EPB41L4B: variants seen among roughly 807,000 people sequenced by gnomAD.
EPB41L4B encodes erythrocyte membrane protein band 4.1 like 4B.
EPB41L4B carries 30 observed loss-of-function variants against 112.5 expected under a neutral mutation model. The ratio of observed to expected loss-of-function variants is 0.27; its 90% confidence interval spans 0.20 to 0.36. The LOEUF (loss-of-function observed/expected upper bound fraction) is 0.36. EPB41L4B is among the 10% of genes least tolerant of loss of function. EPB41L4B has a pLI of 1.00. For synonymous variants in EPB41L4B, 408 were observed against 439.7 expected (o/e 0.93, Z 0.90); for missense variants, 1,024 against 1,133.3 (o/e 0.90, Z 1.38).
chr9:109,226,727 T>A (rs10979763), intron 15 of EPB41L4B, among the ~76,000 whole-genome samples: 9 of 123,668 alleles, frequency 7.3e-5, no homozygotes, highest in African/African-American at 1.9e-4. Flanking sequence ...ATATATGAAG[T>A]ATATATATGA....
At chr9:109,309,331 C>G (rs898975365) in intron 1 of EPB41L4B, among the ~76,000 whole-genome samples, 9 of 152,162 alleles carry the variant, frequency 5.9e-5, no homozygotes, top group African/African-American at 2.2e-4. Flanking sequence ...CCAGCAGCAA[C>G]CAACTTCAGC....
intron 6 of EPB41L4B, among the ~76,000 whole-genome samples, chr9:109,262,447 G>A (rs1217531069): frequency 2.2e-5 from 1 of 46,508 alleles, no homozygotes; most frequent in Admixed American, 3.0e-4. Context: ...CTTGGTGTGT[G>A]TGGGGGTGTG....
chr9:109,304,628 C>G (rs1000412036), intron 1 of EPB41L4B, among the ~76,000 whole-genome samples: 1 of 152,150 alleles, frequency 6.6e-6, no homozygotes, highest in Admixed American at 6.6e-5. Context: ...TGCCTGATCT[C>G]TGTGTGCCTC....
chr9:109,219,019 G>T (rs894621666), intron 15 of EPB41L4B, among the ~76,000 whole-genome samples: 1 of 152,210 alleles, frequency 6.6e-6, no homozygotes, highest in Non-Finnish European at 1.5e-5. Context: ...TTCTCCTGGG[G>T]GAAGGTGTTT....
At chr9:109,175,183 C>T (rs1432922034) in intron 25 of EPB41L4B, among the ~76,000 whole-genome samples, 2 of 151,940 alleles carry the variant, frequency 1.3e-5, no homozygotes, top group African/African-American at 4.8e-5. Context: ...TCCCAAAGTG[C>T]TAGGATTACA....
At chr9:109,228,653 A>C (rs977114268) in intron 15 of EPB41L4B, among the ~76,000 whole-genome samples, 1 of 152,320 alleles carries the variant, frequency 6.6e-6, no homozygotes, top group Middle Eastern at 3.4e-3. Flanking sequence ...AGCACAACAA[A>C]AGTCAGGTAG....
In EPB41L4B at chr9:109,285,254, G is replaced by A. The variant is rs1420519974; in HGVS notation, c.307-5333C>T. On this transcript the variant is annotated intron_variant, in intron 1 of 25. Coordinates refer to ENST00000374566, the MANE Select transcript of EPB41L4B (RefSeq NM_019114.5). ...CGTAAAATGAAGAGGGTTAGCCTAA[G>A]TTTCTGTCTAGGTCATTCCAAATCT... 2.0e-5 allele frequency among the ~76,000 whole-genome samples: 3 copies of A among 152,234 alleles called. No individual in the cohort carries two copies. In the East Asian group the frequency reaches 5.8e-4, roughly 29 times the overall value.
At chr9:109,241,417 A>G in intron 15 of EPB41L4B, 2 of 1,245,130 alleles carry the variant, frequency 1.6e-6, no homozygotes, top group Non-Finnish European at 2.0e-6. Context: ...CTCCAATTTT[A>G]AAATCAGAAC....
chr9:109,251,641 G>C, intron 12 of EPB41L4B, 130 bp from the exon 13 acceptor site: 1 of 815,616 alleles, frequency 1.2e-6, no homozygotes, highest in Non-Finnish European at 2.1e-6. Context: ...AGGCAGAACT[G>C]CATGGTGGCT....
Position 109,305,911 on chromosome 9 carries a change from G to A in EPB41L4B, c.306+14230C>T, listed in dbSNP as rs547156772. ...TGCAGTCCAGCCTGGGTGGCAGAGC[G>A]AGACTCTGTCTCAAAAAAATATAAT... On this transcript the variant is annotated intron_variant, in intron 1 of 25. Transcript: ENST00000374566. Among the ~76,000 whole-genome samples, 15 of 152,170 alleles carry A rather than the reference G, an allele frequency of 9.9e-5. No homozygotes were observed. In the South Asian group the frequency reaches 2.3e-3, roughly 23 times the overall value.
At chr9:109,314,190 G>A (rs537936670) in intron 1 of EPB41L4B, among the ~76,000 whole-genome samples, 9 of 152,294 alleles carry the variant, frequency 5.9e-5, no homozygotes, top group East Asian at 5.8e-4. Context: ...ACTCCCAGCC[G>A]GCCAAAGGAA....
In EPB41L4B at chr9:109,320,122, G is replaced by C. The variant is rs769880659; in HGVS notation, c.306+19C>G. On this transcript the variant is annotated intron_variant, in intron 1 of 25. Transcript: ENST00000374566. ...AGGGGCGCGAGGTGCCAGTGCCCCA[G>C]ACTGGCCCCGTCACTCACCGGCAGG... The C allele has an allele frequency of 7.0e-7, 1 of 1,436,134 alleles. No individual in the cohort carries two copies. The allele number at this position is 1,436,134 out of a possible 1,614,324, so 89.0% of individuals were successfully genotyped here. A position where few individuals can be genotyped will look rare whatever the true frequency, so the allele number is the denominator to read the frequency against.
intron 15 of EPB41L4B, among the ~76,000 whole-genome samples, chr9:109,230,528 G>A (rs962237324): frequency 4.6e-5 from 7 of 152,180 alleles, no homozygotes; most frequent in African/African-American, 1.7e-4. Context: ...TGAGAGATGA[G>A]AGAAAGTACA....
chr9:109,255,513 G>A lies in EPB41L4B; in HGVS notation c.1167C>T (p.Phe389=). 1 of 1,613,974 alleles carries A rather than the reference G, an allele frequency of 6.2e-7. No individual in the cohort carries two copies. The highest frequency in any genetic ancestry group is 8.5e-7 in the Non-Finnish European group (1 of 1,179,874). The stretch of plus-strand genomic sequence containing the variant: ...GTGTTGCAGAAATGGCTCCCTACCT[G>A]AATCTGAAGCGAGAGCCCAGCCTGA... ...DFIRLGSRFR[F]SGRTEYQATH... Residue 389 remains phenylalanine, a splice_region_variant and synonymous_variant, in exon 11 of 26, where the codon TTC becomes TTT. Coordinates refer to ENST00000374566, the MANE Select transcript of EPB41L4B (RefSeq NM_019114.5).
intron 1 of EPB41L4B, among the ~76,000 whole-genome samples, chr9:109,308,378 GA>G (rs982679230): frequency 9.9e-5 from 15 of 152,184 alleles, no homozygotes; most frequent in Middle Eastern, 3.4e-3. Flanking sequence ...CAATGTTGAG[GA>G]TGCAATCAAC....
At position 109,188,839 on chromosome 9, in the gene EPB41L4B, C is replaced by T. The variant is rs1234527939; in HGVS notation, c.2302-3234G>A. Among the ~76,000 whole-genome samples the T allele has an allele frequency of 1.8e-4, 28 of 152,080 alleles. 1 individual carries two copies. The highest frequency in any genetic ancestry group is 1.8e-3 in the Admixed American group (28 of 15,262). On this transcript the variant is annotated intron_variant, in intron 22 of 25. Coordinates refer to ENST00000374566, the MANE Select transcript of EPB41L4B (RefSeq NM_019114.5). Reference sequence around the variant, plus strand: ...CTGCTTTGCAGTTGGGTAAGTGGTTCATGAAGCATGGGGATCAGAGAGGGA... The same window carrying T: ...CTGCTTTGCAGTTGGGTAAGTGGTTTATGAAGCATGGGGATCAGAGAGGGA...
chr9:109,175,164 G>T (rs1831773740), intron 25 of EPB41L4B, among the ~76,000 whole-genome samples: 1 of 151,722 alleles, frequency 6.6e-6, no homozygotes, highest in Admixed American at 6.6e-5. Context: ...CAATCCACTT[G>T]CCTCGACCTC....
chr9:109,190,551 C>G (rs1832425433), intron 22 of EPB41L4B, among the ~76,000 whole-genome samples: 1 of 152,222 alleles, frequency 6.6e-6, no homozygotes, highest in African/African-American at 2.4e-5. Context: ...CCTGGGCTGA[C>G]AGCTTGGAGA....
chr9:109,226,717 A>G (rs1833784458), intron 15 of EPB41L4B, among the ~76,000 whole-genome samples: 1 of 139,676 alleles, frequency 7.2e-6, no homozygotes, highest in Non-Finnish European at 1.5e-5. Context: ...TGAAGAATAT[A>G]TATATGAAGT....
Sources: allele counts gnomAD v4.1 joint callset (sites outside exome capture counted in the v4.1 genomes callset), GRCh38; gene constraint gnomAD v4.1.1; transcripts MANE v1.5; gene names NCBI Gene and HGNC (gene_info 2026-07-23, HGNC 2026-07-21).